ASB2: variants seen among roughly 807,000 people sequenced by gnomAD.
The protein encoded by ASB2 is ankyrin repeat and SOCS box containing 2.
Under a neutral mutation model 62.4 loss-of-function variants are expected in ASB2, and 58 were observed. That is an observed-to-expected ratio of 0.93 (90% CI 0.75 to 1.16). The LOEUF is 1.16. ASB2 is among the 50% of genes most tolerant of loss of function. The pLI is 0.00. For synonymous variants in ASB2, 386 were observed against 385.3 expected, an observed-to-expected ratio of 1.00 and a Z score of -0.02; for missense variants, 928 against 887.9, an observed-to-expected ratio of 1.05 and a Z score of -0.57.
At chr14:93,947,643 G>A (rs909778817) in intron 6 of ASB2, 123 bp from the exon 7 acceptor site, 7 of 926,744 alleles carry the variant, frequency 7.6e-6, no homozygotes, top group African/African-American at 3.3e-5. Flanking sequence ...CTTTAACAAC[G>A]ACCCTTAGGA....
Position 93,934,588 on chromosome 14 carries a change from G to C in ASB2, c.*68C>G, listed in dbSNP as rs1280330415. On this transcript the variant is annotated 3_prime_UTR_variant, in exon 10 of 10. Coordinates refer to ENST00000555019, the MANE Select transcript of ASB2 (RefSeq NM_001202429.2). ...TGTCACCAGGTCCCCTTGGAGTTGGGAACACCGACGTCCTGAGACTTAGTA... is the reference window on the plus strand; with the variant it reads ...TGTCACCAGGTCCCCTTGGAGTTGGCAACACCGACGTCCTGAGACTTAGTA... The C allele has an allele frequency of 6.4e-7, 1 of 1,552,646 alleles. No homozygotes were observed. The highest frequency in any genetic ancestry group is 1.7e-5 in the Admixed American group (1 of 59,210).
chr14:93,951,309 A>G, intron 5 of ASB2, 65 bp from the exon 6 acceptor site: 2 of 1,523,738 alleles, frequency 1.3e-6, no homozygotes, highest in East Asian at 4.5e-5. Context: ...CAGAGACTGC[A>G]TTCATTCGCC....
intron 9 of ASB2, among the ~76,000 whole-genome samples, chr14:93,936,174 A>G (rs1888264749): frequency 6.6e-6 from 1 of 152,242 alleles, no homozygotes; most frequent in African/African-American, 2.4e-5. Flanking sequence ...GGCTCTGGGT[A>G]GTTCCTTCCC....
chr14:93,947,787 A>G (rs1352562083), intron 6 of ASB2, among the ~76,000 whole-genome samples: 2 of 152,064 alleles, frequency 1.3e-5, no homozygotes, highest in African/African-American at 4.8e-5. Flanking sequence ...TGAGGTCAGG[A>G]GTTCGAGACC....
rs543239886 is a variant in ASB2 at position 93,939,069 on chromosome 14, C to T, written c.1617+39G>A. On this transcript the variant is annotated intron_variant, in intron 8 of 9. Coordinates refer to ENST00000555019, the MANE Select transcript of ASB2 (RefSeq NM_001202429.2). ...CGCGCGCGCGTCCCTGGGCCACACCCAAAAGGCGTGCTCCCCACCGCCAGC... is the reference window on the plus strand; with the variant it reads ...CGCGCGCGCGTCCCTGGGCCACACCTAAAAGGCGTGCTCCCCACCGCCAGC... 4 of 1,423,476 alleles carry T rather than the reference C, an allele frequency of 2.8e-6. No homozygotes were observed. The African/African-American group carries it at 5.9e-5, about 21-fold the overall frequency. 88.2% of individuals were successfully genotyped at this position (1,423,476 alleles called of 1,614,324 possible).
intron 7 of ASB2, among the ~76,000 whole-genome samples, chr14:93,943,115 A>T (rs555899597): frequency 1.3e-5 from 2 of 152,156 alleles, no homozygotes; most frequent in Non-Finnish European, 2.9e-5. Context: ...ACTGCTTACA[A>T]CCCCAGGTCC....
chr14:93,946,880 C>T (rs925012102), intron 7 of ASB2, among the ~76,000 whole-genome samples: 8 of 152,168 alleles, frequency 5.3e-5, no homozygotes, highest in African/African-American at 1.7e-4. Context: ...CCTGTACTCC[C>T]GGAAATATTC....
intron 1 of ASB2, among the ~76,000 whole-genome samples, chr14:93,965,180 T>A (rs961079169): frequency 6.6e-6 from 1 of 152,218 alleles, no homozygotes; most frequent in Non-Finnish European, 1.5e-5. Context: ...CATCCATTGT[T>A]TATTTTTCCA....
rs74454178 is a variant in ASB2, at chr14:93,967,631, G to A, written c.-73-3019C>T. Among the ~76,000 whole-genome samples the A allele has an allele frequency of 7.3e-3, 1,112 of 152,318 alleles. 10 individuals carry two copies. The highest frequency in any genetic ancestry group is 0.025 in the African/African-American group (1,048 of 41,556). ...CTCAGTTTCCTCATTGCAAAAGGACGATTTGGGGCTGGAAGTTTTCCGCAG... is the reference window on the plus strand; with the variant it reads ...CTCAGTTTCCTCATTGCAAAAGGACAATTTGGGGCTGGAAGTTTTCCGCAG... On this transcript the variant is annotated intron_variant, in intron 1 of 9. Transcript: ENST00000555019.
chr14:93,954,612 G>GC, intron 3 of ASB2, 129 bp from the exon 4 acceptor site: 1 of 754,998 alleles, frequency 1.3e-6, no homozygotes, highest in Non-Finnish European at 2.2e-6. Flanking sequence ...TGAGCACTCA[G>GC]CCCCCTGCAG....
At position 93,973,652 on chromosome 14, in the gene ASB2, C is replaced by T. The variant is rs1439721856; in HGVS notation, c.-74+2782G>A. On this transcript the variant is annotated intron_variant, in intron 1 of 9. Transcript: ENST00000555019. ...CATGGGTGACCTTCGTCTCCACCTCCTGAGTGAAGGGCCCTTCTGCTGCCT... is the reference window on the plus strand; with the variant it reads ...CATGGGTGACCTTCGTCTCCACCTCTTGAGTGAAGGGCCCTTCTGCTGCCT... Among the ~76,000 whole-genome samples, 3 of 152,256 alleles carry T rather than the reference C, an allele frequency of 2.0e-5. No homozygotes were observed. The East Asian group carries it at 5.8e-4, about 29-fold the overall frequency.
At chr14:93,955,080 T>C (rs1014479907) in intron 3 of ASB2, 8 of 456,654 alleles carry the variant, frequency 1.8e-5, no homozygotes, top group Non-Finnish European at 3.1e-5. Flanking sequence ...CTTCCTTCCT[T>C]CCTTCATTCA....
At chr14:93,951,480 C>A (rs79038484) in intron 5 of ASB2, among the ~76,000 whole-genome samples, 1 of 152,224 alleles carries the variant, frequency 6.6e-6, no homozygotes, top group Admixed American at 6.5e-5. Flanking sequence ...GTGCCAGGCT[C>A]TCTGTTCTAA....
At position 93,937,644 on chromosome 14, in the gene ASB2, C is replaced by A. The variant is rs141931061; in HGVS notation, c.1771+54G>T. The A allele has an allele frequency of 6.0e-4, 948 of 1,573,326 alleles. 9 individuals are homozygous for A. In the East Asian group the frequency reaches 0.014, roughly 22 times the overall value. On this transcript the variant is annotated intron_variant, in intron 9 of 9. Coordinates refer to ENST00000555019, the MANE Select transcript of ASB2 (RefSeq NM_001202429.2). ...CAGTCGCACTCCCTGAGGCCTGGGACTCTGAGTCAGGCAGGGAGATCTGCC... is the reference window on the plus strand; with the variant it reads ...CAGTCGCACTCCCTGAGGCCTGGGAATCTGAGTCAGGCAGGGAGATCTGCC...
Position 93,964,532 on chromosome 14 carries a change from G to A in ASB2, c.8C>T (p.Thr3Met), listed in dbSNP as rs11621009. The A allele has an allele frequency of 0.02, 31,011 of 1,535,920 alleles. 399 individuals are homozygous for A. The highest frequency in any genetic ancestry group is 0.029 in the African/African-American group (2,134 of 73,128). Residue 3 changes from threonine to methionine, a missense_variant, in exon 2 of 10, where the codon ACG becomes ATG. Thr to Met is a moderately conservative substitution (Grantham distance 81). Transcript: ENST00000555019. MA[T>M]QISTRGSQCT... ...CTGGCTGCCCCGAGTGCTGATCTGC[G>A]TGGCCATCCTCCTCCACCTCTCACC... is the stretch of plus-strand genomic sequence containing the variant.
At chr14:93,954,199 A>T in intron 4 of ASB2, 118 bp downstream of exon 4, 1 of 812,564 alleles carries the variant, frequency 1.2e-6, no homozygotes, top group Non-Finnish European at 2.0e-6. Context: ...TGAAAGTGAC[A>T]GCCTTGCCTG....
chr14:93,953,258 G>A, intron 5 of ASB2, 94 bp downstream of exon 5: 2 of 1,129,306 alleles, frequency 1.8e-6, no homozygotes, highest in Non-Finnish European at 2.5e-6. Flanking sequence ...GGCCACGTTG[G>A]GGGTTATGCA....
chr14:93,968,748 G>C (rs965920160), intron 1 of ASB2, among the ~76,000 whole-genome samples: 5 of 152,206 alleles, frequency 3.3e-5, no homozygotes, highest in African/African-American at 9.7e-5. Flanking sequence ...ACCTGCTAGA[G>C]GCCTGTCTCC....
At chr14:93,938,431 GGGGTT>G (rs1299879659) in intron 8 of ASB2, among the ~76,000 whole-genome samples, 5 of 151,316 alleles carry the variant, frequency 3.3e-5, no homozygotes, top group Non-Finnish European at 7.4e-5. Context: ...TAGTTAAGAC[GGGGTT>G]TCACCGTGTT....
Sources: allele counts gnomAD v4.1 joint callset (sites outside exome capture counted in the v4.1 genomes callset), GRCh38; gene constraint gnomAD v4.1.1; transcripts MANE v1.5; gene names NCBI Gene and HGNC (gene_info 2026-07-23, HGNC 2026-07-21).